Variants in TPTE2 observed in about 807,000 individuals in gnomAD.
TPTE2 encodes the protein phosphatidylinositol 3,4,5-trisphosphate 3-phosphatase TPTE2.
Under a neutral mutation model 78.6 loss-of-function variants are expected in TPTE2, and 53 were observed. The ratio of observed to expected loss-of-function variants is 0.67; its 90% CI spans 0.54 to 0.85. The LOEUF is 0.85. Among genes scored for constraint, TPTE2 ranks in the 40% least tolerant of loss-of-function variants. TPTE2 has a pLI of 0.00. For synonymous variants in TPTE2, 175 were observed against 206.2 expected, an observed-to-expected ratio of 0.85 and a Z score of 1.30; for missense variants, 461 against 623.0, an observed-to-expected ratio of 0.74 and a Z score of 2.77.
intron 10 of TPTE2, among the ~76,000 whole-genome samples, chr13:19,455,104 G>A (rs1878459241): frequency 6.6e-6 from 1 of 152,172 alleles, no homozygotes; most frequent in East Asian, 1.9e-4. Context: ...TTTCAAAATT[G>A]GCCAAGGGAG....
At chr13:19,518,667 A>T (rs1869955208) in intron 1 of TPTE2, among the ~76,000 whole-genome samples, 1 of 152,236 alleles carries the variant, frequency 6.6e-6, no homozygotes, top group Admixed American at 6.5e-5. Context: ...TGCTAGATCC[A>T]CTTTGGAAAA....
At chr13:19,423,225 G>C in intron 19 of TPTE2, 61 bp from the exon 23 acceptor site, 1 of 1,330,878 alleles carries the variant, frequency 7.5e-7, no homozygotes, top group South Asian at 1.4e-5. Context: ...CCACGCAGTT[G>C]GGTACCCACG....
chr13:19,538,066 T>C (rs767246162), upstream of TPTE2, among the ~76,000 whole-genome samples: 11 of 152,214 alleles, frequency 7.2e-5, no homozygotes, highest in Non-Finnish European at 1.2e-4. Flanking sequence ...TTCTCCAAGT[T>C]TGATGCTTAT....
chr13:19,559,659 C>G, the TPTE2 span, among the ~76,000 whole-genome samples: 3 of 151,530 alleles, frequency 2.0e-5, no homozygotes, highest in African/African-American at 7.3e-5. Context: ...AAAAGCATCA[C>G]CCACTGGGAG....
intron 3 of TPTE2, among the ~76,000 whole-genome samples, chr13:19,490,362 T>G (rs1384305401): frequency 6.6e-6 from 1 of 152,206 alleles, no homozygotes; most frequent in African/African-American, 2.4e-5. Context: ...TTCTACAATT[T>G]ATAATCTAGT....
intron 1 of TPTE2, among the ~76,000 whole-genome samples, chr13:19,495,773 C>T (rs1439030520): frequency 6.6e-6 from 1 of 152,214 alleles, no homozygotes; most frequent in Admixed American, 6.5e-5. Context: ...TTAACATGTA[C>T]ATAGTAAGAC....
At chr13:19,453,548 T>C (rs199890818) in intron 10 of TPTE2, among the ~76,000 whole-genome samples, 1 of 15,330 alleles carries the variant, frequency 6.5e-5, no homozygotes, top group South Asian at 5.3e-3. Flanking sequence ...CATATATATA[T>C]ATATATATAT....
chr13:19,432,492 G>C (rs750313598), exon 16 of TPTE2: 1 of 1,602,256 alleles, frequency 6.2e-7, no homozygotes, highest in African/African-American at 1.4e-5. Flanking sequence ...AATAAATAAT[G>C]AATCTTTTTA....
At position 19,437,949 on chromosome 13, in the gene TPTE2, T is replaced by C. The variant is rs577338626; in HGVS notation, c.1035+143A>G. 2.1e-4 allele frequency: 261 copies of C among 1,227,974 alleles called. No homozygotes were observed. In the Middle Eastern group the frequency reaches 4.9e-3, roughly 23 times the overall value. The allele number at this position is 1,227,974 out of a possible 1,614,324, so 76.1% of individuals were successfully genotyped here. ...ACGTTAAACAAGAAAGTATCAAAAATAGACTTTCTAAAAACTGCTTCTCTA... is the reference window on the plus strand; with the variant it reads ...ACGTTAAACAAGAAAGTATCAAAAACAGACTTTCTAAAAACTGCTTCTCTA... On this transcript the variant is annotated intron_variant, in intron 14 of 19. Transcript: ENST00000400230.
chr13:19,488,163 G>A (rs1566061470), intron 3 of TPTE2, among the ~76,000 whole-genome samples: 1 of 152,174 alleles, frequency 6.6e-6, no homozygotes, highest in Non-Finnish European at 1.5e-5. Flanking sequence ...AATCTTAGAC[G>A]TGTATTTGTT....
At chr13:19,551,585 C>CA in the TPTE2 span, among the ~76,000 whole-genome samples, 1 of 81,202 alleles carries the variant, frequency 1.2e-5, no homozygotes, top group Non-Finnish European at 3.4e-5. Context: ...GAATCCCTCT[C>CA]AAAAAACAAA....
At chr13:19,448,579 T>C (rs1483226024) in intron 13 of TPTE2, among the ~76,000 whole-genome samples, 3 of 152,182 alleles carry the variant, frequency 2.0e-5, no homozygotes, top group Non-Finnish European at 2.9e-5. Context: ...TAAACATCAT[T>C]AATCATCAGG....
chr13:19,427,734 C>T (rs1251970074), intron 17 of TPTE2, among the ~76,000 whole-genome samples: 1 of 152,096 alleles, frequency 6.6e-6, no homozygotes, highest in Non-Finnish European at 1.5e-5. Context: ...TGAACTTGAC[C>T]AGTGCAGGCT....
intron 6 of TPTE2, among the ~76,000 whole-genome samples, chr13:19,472,877 C>G (rs890891390): frequency 1.3e-5 from 2 of 152,166 alleles, no homozygotes; most frequent in African/African-American, 4.8e-5. Flanking sequence ...TTTGAAAGAA[C>G]TTGGATATTG....
chr13:19,521,385 CTCTT>C (rs1870143878), intron 1 of TPTE2, among the ~76,000 whole-genome samples: 1 of 150,724 alleles, frequency 6.6e-6, no homozygotes, highest in Non-Finnish European at 1.5e-5. Flanking sequence ...ATGATTCCAT[CTCTT>C]TATTTAGTTA....
At chr13:19,533,669 T>C (rs555439968) in intron 1 of TPTE2, among the ~76,000 whole-genome samples, 1 of 152,340 alleles carries the variant, frequency 6.6e-6, no homozygotes, top group South Asian at 2.1e-4. Context: ...TCCTGTGAGA[T>C]GGAAATTATA....
At chr13:19,448,318 G>C (rs1290297260) in intron 13 of TPTE2, among the ~76,000 whole-genome samples, 1 of 152,158 alleles carries the variant, frequency 6.6e-6, no homozygotes, top group Non-Finnish European at 1.5e-5. Flanking sequence ...AGAAAAAGTA[G>C]ACAAATGATA....
intron 3 of TPTE2, 28 bp downstream of exon 6, chr13:19,492,822 C>A (rs771891478): frequency 1.9e-6 from 3 of 1,613,018 alleles, no homozygotes; most frequent in African/African-American, 2.7e-5. Context: ...CTTATGCATA[C>A]GTGTGTCTTC....
At chr13:19,511,596 G>A (rs1759131364) in intron 1 of TPTE2, among the ~76,000 whole-genome samples, 2 of 152,088 alleles carry the variant, frequency 1.3e-5, no homozygotes, top group Admixed American at 6.6e-5. Context: ...TTGGGTAAAC[G>A]GCTGATTCCA....
Sources: allele counts gnomAD v4.1 joint callset (sites outside exome capture counted in the v4.1 genomes callset), GRCh38; gene constraint gnomAD v4.1.1; transcripts MANE v1.5; gene names NCBI Gene and HGNC (gene_info 2026-07-23, HGNC 2026-07-21).